The following IGF2BP3 variants were observed in gnomAD, a reference collection of about 807,000 sequenced individuals.
IGF2BP3 encodes insulin-like growth factor 2 mRNA-binding protein 3.
In IGF2BP3, 9 loss-of-function variants were observed where a neutral mutation model predicts 73.8. The ratio of observed to expected loss-of-function variants is 0.12; its 90% CI spans 0.07 to 0.21. The LOEUF is 0.21. Ranked by LOEUF, IGF2BP3 falls within the 10% of genes least tolerant of loss-of-function variation. The probability of loss-of-function intolerance (pLI) is 1.00; values close to 1 mark genes in which losing one functional copy is unlikely to be tolerated. For synonymous variants in IGF2BP3, 258 were observed against 256.7 expected (o/e 1.01, Z -0.05); for missense variants, 542 against 714.0 (o/e 0.76, Z 2.75).
intron 2 of IGF2BP3, among the ~76,000 whole-genome samples, chr7:23,447,031 C>T (rs1161302554): frequency 1.3e-5 from 2 of 152,034 alleles, no homozygotes; most frequent in African/African-American, 4.8e-5. Context: ...GGTGAAACCT[C>T]ATCTCTACTA....
intron 3 of IGF2BP3, among the ~76,000 whole-genome samples, chr7:23,404,298 T>C (rs1249164591): frequency 1.3e-5 from 2 of 152,132 alleles, no homozygotes; most frequent in South Asian, 2.1e-4. Context: ...GAGTGAAAGA[T>C]AGACACATCA....
At chr7:23,433,744 T>G (rs1476165867) in intron 2 of IGF2BP3, among the ~76,000 whole-genome samples, 1 of 146,356 alleles carries the variant, frequency 6.8e-6, no homozygotes, top group East Asian at 1.9e-4. Flanking sequence ...TTGATTAAAT[T>G]TAATTTGTTT....
At chr7:23,321,907 C>A (rs1203448598) in intron 10 of IGF2BP3, among the ~76,000 whole-genome samples, 1 of 152,160 alleles carries the variant, frequency 6.6e-6, no homozygotes, top group Admixed American at 6.6e-5. Flanking sequence ...GACATCCACA[C>A]CAAAAACCCA....
chr7:23,361,782 C>T, intron 3 of IGF2BP3, 41 bp from the exon 4 acceptor site: 1 of 1,545,056 alleles, frequency 6.5e-7, no homozygotes, highest in Non-Finnish European at 8.8e-7. Flanking sequence ...TTTGAGTTTC[C>T]CAAGTTATTA....
rs535574503 is a variant in IGF2BP3 at position 23,459,676 on chromosome 7, C to CA, written c.236+8805dup. On this transcript the variant is annotated intron_variant, in intron 2 of 14. Transcript: ENST00000258729. ...TGAAACCCCATCTCTACTAAAAATA[C>CA]AAAAATTAGCTGGGTGTGGTGGTGT... is the stretch of plus-strand genomic sequence containing the variant. Among the ~76,000 whole-genome samples, 17 of 151,930 alleles carry CA rather than the reference C, an allele frequency of 1.1e-4. No individual in the cohort carries two copies. In the South Asian group the frequency reaches 1.7e-3, roughly 15 times the overall value.
intron 5 of IGF2BP3, among the ~76,000 whole-genome samples, chr7:23,354,839 G>A (rs1466391507): frequency 6.6e-6 from 1 of 152,194 alleles, no homozygotes; most frequent in African/African-American, 2.4e-5. Flanking sequence ...GTACCTGACT[G>A]TCTAATTGCC....
intron 2 of IGF2BP3, among the ~76,000 whole-genome samples, chr7:23,425,710 G>C (rs1336404346): frequency 1.3e-5 from 2 of 152,064 alleles, no homozygotes; most frequent in African/African-American, 4.8e-5. Context: ...GAAGATAATT[G>C]CATGCTTCTC....
At position 23,372,308 on chromosome 7, in the gene IGF2BP3, C is replaced by T. The variant is rs184757419; in HGVS notation, c.286-10567G>A. Among the ~76,000 whole-genome samples, 414 of 152,120 alleles carry T rather than the reference C, an allele frequency of 2.7e-3. 1 individual carries two copies. The highest frequency in any genetic ancestry group is 5.0e-3 in the Non-Finnish European group (338 of 67,996). On this transcript the variant is annotated intron_variant, in intron 3 of 14. Transcript: ENST00000258729. ...CAGGCTGGCCTCAAACTCCTGACCT[C>T]GTGATCTGCCCCCCCTGGCCTCCCA...
intron 3 of IGF2BP3, among the ~76,000 whole-genome samples, chr7:23,391,767 G>A (rs375474410): frequency 2.6e-5 from 4 of 152,184 alleles, no homozygotes; most frequent in African/African-American, 9.7e-5. Flanking sequence ...GACAGGCCCA[G>A]TACACACCCT....
At chr7:23,465,619 C>T (rs141928217) in intron 2 of IGF2BP3, among the ~76,000 whole-genome samples, 1 of 152,212 alleles carries the variant, frequency 6.6e-6, no homozygotes, top group Admixed American at 6.5e-5. Flanking sequence ...AGTGCAAGCC[C>T]ATTCATCCAT....
At chr7:23,452,314 A>G (rs1374492739) in intron 2 of IGF2BP3, among the ~76,000 whole-genome samples, 1 of 152,104 alleles carries the variant, frequency 6.6e-6, no homozygotes, top group African/African-American at 2.4e-5. Flanking sequence ...AGAATAGGGT[A>G]TGTTTTCTTT....
intron 3 of IGF2BP3, among the ~76,000 whole-genome samples, chr7:23,362,184 G>A (rs575289321): frequency 6.6e-6 from 1 of 152,222 alleles, no homozygotes; most frequent in African/African-American, 2.4e-5. Flanking sequence ...GGCCAAGATG[G>A]GAGCATAGCT....
At chr7:23,320,905 A>C (rs1225494476) in intron 10 of IGF2BP3, among the ~76,000 whole-genome samples, 2 of 146,730 alleles carry the variant, frequency 1.4e-5, no homozygotes, top group African/African-American at 5.1e-5. Flanking sequence ...AGCTGAGATC[A>C]CACCACTGCT....
At position 23,469,649 on chromosome 7, in the gene IGF2BP3, A is replaced by C; in HGVS notation, c.175+287T>G. 5 of 169,906 alleles carry C rather than the reference A, an allele frequency of 2.9e-5. No individual in the cohort carries two copies. Among genetic ancestry groups the C allele is most frequent in the Non-Finnish European group, 2.5e-5 (2 of 80,964 alleles). 10.5% of individuals were successfully genotyped at this position (169,906 alleles called of 1,614,324 possible). On this transcript the variant is annotated intron_variant, in intron 1 of 14. Transcript: ENST00000258729. The surrounding 1 kb of genome is among the most constrained non-coding windows in gnomAD (Gnocchi z 6.1). ...CTGGGCCCGGGCGGGGCGCCGGGGG[A>C]GCGCGCCTCCCCCAGCCCCGCGCCC...
At chr7:23,330,181 G>A (rs2128496973) in intron 10 of IGF2BP3, among the ~76,000 whole-genome samples, 1 of 152,102 alleles carries the variant, frequency 6.6e-6, no homozygotes, top group South Asian at 2.1e-4. Flanking sequence ...AGCTACTCGA[G>A]AGGCTGAGGC....
At chr7:23,403,925 C>T (rs887770281) in intron 3 of IGF2BP3, among the ~76,000 whole-genome samples, 1 of 151,428 alleles carries the variant, frequency 6.6e-6, no homozygotes, top group Non-Finnish European at 1.5e-5. Flanking sequence ...GAGTTTGAGA[C>T]CAGCCTGGGC....
At chr7:23,439,677 C>A (rs1419879936) in intron 2 of IGF2BP3, among the ~76,000 whole-genome samples, 3 of 151,920 alleles carry the variant, frequency 2.0e-5, no homozygotes, top group Non-Finnish European at 2.9e-5. Context: ...GAGTTTAACA[C>A]GTAACCAACC....
intron 10 of IGF2BP3, among the ~76,000 whole-genome samples, chr7:23,331,174 C>T (rs952101128): frequency 1.2e-4 from 19 of 152,040 alleles, no homozygotes; most frequent in Admixed American, 3.9e-4. Flanking sequence ...AATTTATTGA[C>T]CATAAAATAC....
At chr7:23,432,053 G>T (rs1201547037) in intron 2 of IGF2BP3, among the ~76,000 whole-genome samples, 1 of 152,088 alleles carries the variant, frequency 6.6e-6, no homozygotes, top group African/African-American at 2.4e-5. Context: ...TCTAAACATG[G>T]TTTTTTCCAT....
Sources: allele counts gnomAD v4.1 joint callset (sites outside exome capture counted in the v4.1 genomes callset), GRCh38; gene constraint gnomAD v4.1.1; non-coding constraint Gnocchi (gnomAD v3.1); transcripts MANE v1.5; gene names NCBI Gene and HGNC (gene_info 2026-07-23, HGNC 2026-07-21).